TMEM178B: variants seen among roughly 807,000 people sequenced by gnomAD.
TMEM178B encodes the protein transmembrane protein 178B.
In TMEM178B, 5 loss-of-function variants were observed where a neutral mutation model predicts 31.0. That is an observed-to-expected ratio of 0.16 (90% CI 0.08 to 0.34). TMEM178B has a LOEUF of 0.34. Among genes scored for constraint, TMEM178B ranks in the 10% least tolerant of loss-of-function variants. TMEM178B has a pLI of 1.00. For synonymous variants in TMEM178B, 164 were observed against 164.0 expected (o/e 1.00, Z 0.00); for missense variants, 275 against 400.3 (o/e 0.69, Z 2.67).
At chr7:141,214,395 C>G (rs1220064608) in intron 2 of TMEM178B, among the ~76,000 whole-genome samples, 1 of 151,886 alleles carries the variant, frequency 6.6e-6, no homozygotes, top group African/African-American at 2.4e-5. Context: ...TTAGGGAGCT[C>G]TAGTTCAGGG....
At chr7:141,210,667 T>C (rs1440240863) in intron 1 of TMEM178B, among the ~76,000 whole-genome samples, 1 of 152,140 alleles carries the variant, frequency 6.6e-6, no homozygotes, top group Non-Finnish European at 1.5e-5. Flanking sequence ...GACAGAGCCA[T>C]GGGCAGCCTC....
chr7:141,181,095 C>A (rs1483819573), intron 1 of TMEM178B, among the ~76,000 whole-genome samples: 1 of 152,128 alleles, frequency 6.6e-6, no homozygotes, highest in Admixed American at 6.5e-5. Flanking sequence ...GATTCAAAAG[C>A]CATAGAAGGT....
At chr7:141,445,790 A>C (rs576330630) in intron 3 of TMEM178B, among the ~76,000 whole-genome samples, 1 of 152,196 alleles carries the variant, frequency 6.6e-6, no homozygotes, top group Non-Finnish European at 1.5e-5. Context: ...ATCATGGTGA[A>C]TCAAGGGCAA....
chr7:141,458,869 C>T (rs747828061), intron 3 of TMEM178B, among the ~76,000 whole-genome samples: 24 of 152,250 alleles, frequency 1.6e-4, no homozygotes, highest in South Asian at 6.2e-4. Flanking sequence ...TGCACCTGTG[C>T]GCACGCACAC....
At chr7:141,279,858 G>C (rs1342181004) in intron 2 of TMEM178B, among the ~76,000 whole-genome samples, 1 of 152,224 alleles carries the variant, frequency 6.6e-6, no homozygotes, top group Non-Finnish European at 1.5e-5. Context: ...TGATTCCCAA[G>C]TTATTCACTT....
chr7:141,332,382 G>A (rs1799313652), intron 2 of TMEM178B, among the ~76,000 whole-genome samples: 2 of 152,210 alleles, frequency 1.3e-5, no homozygotes, highest in Non-Finnish European at 2.9e-5. Context: ...GTTCATAGAT[G>A]TACTGATACA....
rs529227506 is a variant in TMEM178B at position 141,473,873 on chromosome 7, G to T, written c.*3087G>T. 28 of 152,336 alleles carry T rather than the reference G, an allele frequency of 1.8e-4. 3 individuals carry two copies. Among genetic ancestry groups the T allele is most frequent in the African/African-American group, 6.3e-4 (26 of 41,548 alleles). 9.4% of individuals were successfully genotyped at this position (152,336 alleles called of 1,614,324 possible). A position where few individuals can be genotyped will look rare whatever the true frequency, so the allele number is the denominator to read the frequency against. On this transcript the variant is annotated 3_prime_UTR_variant, in exon 4 of 4. Transcript: ENST00000565468. Reference sequence around the variant, plus strand: ...CCTCTAGCATAAGGGCTTGACCACAGATTAAAACATGTGACTCCAACCAGT... The same window carrying T: ...CCTCTAGCATAAGGGCTTGACCACATATTAAAACATGTGACTCCAACCAGT...
chr7:141,270,375 C>T (rs1216375003), intron 2 of TMEM178B, among the ~76,000 whole-genome samples: 1 of 152,092 alleles, frequency 6.6e-6, no homozygotes, highest in Non-Finnish European at 1.5e-5. Context: ...CTCACCGCAG[C>T]CTCTGCCTCC....
Position 141,479,368 on chromosome 7 carries a change from T to C in TMEM178B, c.*8582T>C, listed in dbSNP as rs968513130. On this transcript the variant is annotated 3_prime_UTR_variant, in exon 4 of 4. Transcript: ENST00000565468. ...AAAGGAGATACCCTGGGAAGGGCAG[T>C]GGCCACAGGCAGACTGGGTCTCCTA... 6.6e-6 allele frequency: 1 copy of C among 152,238 alleles called. No homozygotes were observed. The highest frequency in any genetic ancestry group is 2.4e-5 in the African/African-American group (1 of 41,456). The allele number at this position is 152,238 out of a possible 1,614,324, so 9.4% of individuals were successfully genotyped here.
At chr7:141,220,564 C>T (rs1797241867) in intron 2 of TMEM178B, among the ~76,000 whole-genome samples, 2 of 152,106 alleles carry the variant, frequency 1.3e-5, no homozygotes, top group Admixed American at 1.3e-4. Flanking sequence ...GGAGGGAGTA[C>T]AGTACAGCCT....
chr7:141,118,839 A>G (rs1000283652), intron 1 of TMEM178B, among the ~76,000 whole-genome samples: 62 of 152,256 alleles, frequency 4.1e-4, no homozygotes, highest in African/African-American at 1.4e-3. Flanking sequence ...AAGCAAAACC[A>G]AAAGGGTCTT....
intron 1 of TMEM178B, among the ~76,000 whole-genome samples, chr7:141,206,141 T>A (rs1287808838): frequency 6.6e-6 from 1 of 152,214 alleles, no homozygotes; most frequent in Non-Finnish European, 1.5e-5. Flanking sequence ...ACTTACTAAG[T>A]GCAGGGACCA....
At chr7:141,391,146 G>A (rs1242599370) in intron 2 of TMEM178B, among the ~76,000 whole-genome samples, 1 of 151,756 alleles carries the variant, frequency 6.6e-6, no homozygotes, top group Non-Finnish European at 1.5e-5. Flanking sequence ...TACTGTTTAT[G>A]GTGACAGTTT....
In TMEM178B at chr7:141,250,971, A is replaced by G. The variant is rs541235436; in HGVS notation, c.496+38267A>G. 2.0e-5 allele frequency among the ~76,000 whole-genome samples: 3 copies of G among 152,250 alleles called. No individual in the cohort carries two copies. The South Asian group carries it at 6.2e-4, about 32-fold the overall frequency. ...AGCACTCCAAGCTGTGGGAAAGGAA[A>G]ACTCCTTTCCTCGGCTTTTCCTTTG... On this transcript the variant is annotated intron_variant, in intron 2 of 3. Coordinates refer to ENST00000565468, the MANE Select transcript of TMEM178B (RefSeq NM_001195278.2).
chr7:141,125,187 A>G (rs1795470893), intron 1 of TMEM178B, among the ~76,000 whole-genome samples: 1 of 152,254 alleles, frequency 6.6e-6, no homozygotes, highest in African/African-American at 2.4e-5. Flanking sequence ...AGTGTCTCCA[A>G]TTAGCTTAAG....
chr7:141,199,404 G>A (rs1268893462), intron 1 of TMEM178B, among the ~76,000 whole-genome samples: 1 of 152,212 alleles, frequency 6.6e-6, no homozygotes, highest in Non-Finnish European at 1.5e-5. Flanking sequence ...AAAGAACCTG[G>A]TTAGCAAATG....
At chr7:141,402,125 C>T (rs1800790030) in intron 2 of TMEM178B, among the ~76,000 whole-genome samples, 1 of 152,150 alleles carries the variant, frequency 6.6e-6, no homozygotes, top group Admixed American at 6.5e-5. Flanking sequence ...ACAGTCCTGC[C>T]CTCCGGAGGA....
chr7:141,220,156 A>G (rs1414941651), intron 2 of TMEM178B, among the ~76,000 whole-genome samples: 1 of 151,628 alleles, frequency 6.6e-6, no homozygotes, highest in African/African-American at 2.4e-5. Context: ...CGTCTTTACT[A>G]AAAATACAAA....
intron 2 of TMEM178B, among the ~76,000 whole-genome samples, chr7:141,377,159 GTATTTATT>G (rs199852618): frequency 0.039 from 5,643 of 145,240 alleles, 241 homozygotes; most frequent in African/African-American, 0.11. Context: ...GGCTACTTCT[GTATTTATT>G]TATTTATTTA....
Sources: allele counts gnomAD v4.1 joint callset (sites outside exome capture counted in the v4.1 genomes callset), GRCh38; gene constraint gnomAD v4.1.1; transcripts MANE v1.5; gene names NCBI Gene and HGNC (gene_info 2026-07-23, HGNC 2026-07-21).